The following HACE1 variants were observed in gnomAD, a reference collection of about 807,000 sequenced individuals.
HACE1 encodes the protein E3 ubiquitin-protein ligase HACE1.
In HACE1, 73 loss-of-function variants were observed where a neutral mutation model predicts 118.4. The observed-to-expected ratio is 0.62, with a 90% CI of 0.51 to 0.75. HACE1 has a LOEUF of 0.75. Among genes scored for constraint, HACE1 ranks in the 30% least tolerant of loss-of-function variants. The pLI, the probability that HACE1 is intolerant of heterozygous loss-of-function variation, is 0.00. For missense variants in HACE1, 749 were observed against 1,102.2 expected (o/e 0.68, Z 4.54); for synonymous variants, 368 against 374.8 (o/e 0.98, Z 0.21).
At chr6:104,763,800 A>G (rs1249342300) in intron 19 of HACE1, among the ~76,000 whole-genome samples, 1 of 152,158 alleles carries the variant, frequency 6.6e-6, no homozygotes. Context: ...CTATAATCCC[A>G]GCACTTTGGG....
intron 22 of HACE1, among the ~76,000 whole-genome samples, chr6:104,739,261 A>C (rs1347813018): frequency 6.6e-6 from 1 of 152,218 alleles, no homozygotes; most frequent in Admixed American, 6.5e-5. Context: ...ATATCAACTA[A>C]CGAACAAAAT....
intron 22 of HACE1, chr6:104,732,357 T>A (rs1178276343): frequency 2.0e-5 from 3 of 152,154 alleles, no homozygotes; most frequent in African/African-American, 7.2e-5. Flanking sequence ...GGGAGTATTA[T>A]TTAGCCTTAA....
At chr6:104,851,133 G>C in intron 2 of HACE1, 137 bp from the exon 3 acceptor site, 1 of 650,340 alleles carries the variant, frequency 1.5e-6, no homozygotes, top group South Asian at 1.5e-5. Context: ...CACCAGGCTG[G>C]AGTACAGTGG....
intron 1 of HACE1, among the ~76,000 whole-genome samples, chr6:104,852,733 T>C (rs566209451): frequency 2.9e-4 from 44 of 152,324 alleles, no homozygotes; most frequent in African/African-American, 6.7e-4. Context: ...GCTTTAACAA[T>C]TGAAATTTCT....
chr6:104,830,450 C>T (rs918447753), intron 6 of HACE1, among the ~76,000 whole-genome samples: 2 of 152,066 alleles, frequency 1.3e-5, no homozygotes, highest in African/African-American at 4.8e-5. Context: ...GAAAAAGGAT[C>T]CTATAACCCT....
chr6:104,731,868 A>AG (rs1171057173), intron 22 of HACE1: 7 of 112,454 alleles, frequency 6.2e-5, no homozygotes, highest in African/African-American at 3.3e-4. Flanking sequence ...GAATTCCCAT[A>AG]GAAAAAAAAA....
chr6:104,810,335 T>C (rs1771464738), intron 7 of HACE1, among the ~76,000 whole-genome samples: 1 of 151,680 alleles, frequency 6.6e-6, no homozygotes, highest in African/African-American at 2.4e-5. Context: ...CAAAGGCACA[T>C]CAGAGACCCC....
At chr6:104,813,710 G>A (rs749586790) in intron 6 of HACE1, among the ~76,000 whole-genome samples, 2 of 138,142 alleles carry the variant, frequency 1.4e-5, no homozygotes, top group Non-Finnish European at 1.6e-5. Context: ...TGTACACAAC[G>A]CTTCCAGCCA....
intron 6 of HACE1, among the ~76,000 whole-genome samples, chr6:104,831,970 GAAGAGAAGAGAGGAAGGAAGGAAGGA>G (rs1216773342): frequency 3.4e-4 from 24 of 70,556 alleles, no homozygotes; most frequent in African/African-American, 1.1e-3. Context: ...GAAGAGAAGA[GAAGAGAAGAGAGGAAGGAAGGAAGGA>G]AGGAAGGAAG....
intron 6 of HACE1, among the ~76,000 whole-genome samples, chr6:104,820,602 TG>T (rs1772611552): frequency 6.6e-6 from 1 of 152,150 alleles, no homozygotes; most frequent in Admixed American, 6.6e-5. Context: ...TCAACATCAC[TG>T]ATCATTAGAG....
intron 11 of HACE1, 64 bp from the exon 12 acceptor site, chr6:104,785,383 C>A (rs6904432): frequency 0.12 from 90,489 of 760,126 alleles, 3,385 homozygotes; most frequent in African/African-American, 0.23. Flanking sequence ...AAAAAAAAAA[C>A]AAAACACAAC....
chr6:104,832,506 A>G (rs1220487130), intron 6 of HACE1, among the ~76,000 whole-genome samples: 2 of 151,962 alleles, frequency 1.3e-5, no homozygotes, highest in Non-Finnish European at 2.9e-5. Flanking sequence ...CAATTCTCCC[A>G]CTTCAGCCTC....
intron 20 of HACE1, among the ~76,000 whole-genome samples, chr6:104,748,316 G>A (rs949108862): frequency 6.6e-6 from 1 of 151,792 alleles, no homozygotes; most frequent in African/African-American, 2.4e-5. Context: ...TACACAAATG[G>A]CTATAATCAT....
intron 5 of HACE1, among the ~76,000 whole-genome samples, chr6:104,840,682 G>C (rs1276060783): frequency 6.6e-6 from 1 of 152,060 alleles, no homozygotes; most frequent in African/African-American, 2.4e-5. Flanking sequence ...TACAAAAAAA[G>C]GCTGGGCGCG....
chr6:104,743,194 G>A (rs1777003708), intron 22 of HACE1, among the ~76,000 whole-genome samples: 3 of 149,104 alleles, frequency 2.0e-5, no homozygotes. Flanking sequence ...GATAGCATTG[G>A]GAGATATACC....
chr6:104,797,543 G>C (rs1386045663), intron 7 of HACE1, among the ~76,000 whole-genome samples: 5 of 151,870 alleles, frequency 3.3e-5, no homozygotes, highest in Non-Finnish European at 5.9e-5. Context: ...CAATGTAAGA[G>C]AATCTGGGGA....
chr6:104,805,112 C>T (rs1455251422), intron 7 of HACE1, among the ~76,000 whole-genome samples: 2 of 152,164 alleles, frequency 1.3e-5, no homozygotes, highest in Admixed American at 6.5e-5. Context: ...AAATGCTCAT[C>T]GTCACTGGTC....
intron 3 of HACE1, among the ~76,000 whole-genome samples, chr6:104,850,579 G>A (rs1159734072): frequency 6.6e-6 from 1 of 152,186 alleles, no homozygotes; most frequent in Non-Finnish European, 1.5e-5. Flanking sequence ...TTCATCTGCA[G>A]ACAGCATATA....
At chr6:104,794,887 G>A (rs1783445740) in intron 10 of HACE1, among the ~76,000 whole-genome samples, 2 of 151,612 alleles carry the variant, frequency 1.3e-5, no homozygotes, top group South Asian at 4.2e-4. Flanking sequence ...GAGTGAGAGC[G>A]AGACTCTGTC....
Sources: gnomAD v4.1 joint callset for allele counts (sites outside exome capture counted in the v4.1 genomes callset) on GRCh38, gnomAD v4.1.1 for gene constraint, MANE v1.5 for transcripts, NCBI Gene and HGNC (gene_info 2026-07-23, HGNC 2026-07-21) for gene names.